Variants in ALCAM observed in about 807,000 individuals in gnomAD.
ALCAM encodes the protein activated leukocyte cell adhesion molecule, also known as CD166 antigen.
ALCAM carries 30 observed loss-of-function variants against 70.9 expected under a neutral mutation model. That is an observed-to-expected ratio of 0.42 (90% CI 0.32 to 0.57). ALCAM has a LOEUF of 0.57. Ranked by LOEUF, ALCAM falls within the 20% of genes least tolerant of loss-of-function variation. The pLI, the probability that ALCAM is intolerant of heterozygous loss-of-function variation, is 0.11. For missense variants in ALCAM, 591 were observed against 695.1 expected (o/e 0.85, Z 1.68); for synonymous variants, 249 against 242.5 (o/e 1.03, Z -0.25).
intron 1 of ALCAM, among the ~76,000 whole-genome samples, chr3:105,410,856 G>C (rs1406495150): frequency 2.6e-5 from 4 of 151,946 alleles, no homozygotes; most frequent in African/African-American, 9.7e-5. Context: ...AAATTGTTAT[G>C]AAATGATAAT....
At chr3:105,525,276 CA>C in intron 3 of ALCAM, 1 of 983,644 alleles carries the variant, frequency 1.0e-6, no homozygotes, top group Non-Finnish European at 1.2e-6. Flanking sequence ...GTCACTATGA[CA>C]AAATTACTTT....
intron 11 of ALCAM, among the ~76,000 whole-genome samples, chr3:105,548,460 T>C (rs1940308302): frequency 1.3e-5 from 2 of 151,560 alleles, no homozygotes; most frequent in East Asian, 3.9e-4. Flanking sequence ...AGAAGACATA[T>C]ATAAAGCAAA....
chr3:105,560,621 C>G (rs1576242324), intron 14 of ALCAM, among the ~76,000 whole-genome samples: 2 of 152,136 alleles, frequency 1.3e-5, no homozygotes, highest in South Asian at 4.1e-4. Context: ...CCCAAAATGG[C>G]AAAGGTATTT....
At chr3:105,495,656 A>G (rs556684605) in intron 1 of ALCAM, among the ~76,000 whole-genome samples, 1 of 152,346 alleles carries the variant, frequency 6.6e-6, no homozygotes, top group East Asian at 1.9e-4. Flanking sequence ...CGGTGGAATA[A>G]TACATTTTAC....
At chr3:105,404,107 T>C (rs940895438) in intron 1 of ALCAM, among the ~76,000 whole-genome samples, 1 of 151,886 alleles carries the variant, frequency 6.6e-6, no homozygotes, top group African/African-American at 2.4e-5. Context: ...CATCCAAACC[T>C]AAGAATAATT....
At chr3:105,557,816 A>G (rs1391656973) in intron 14 of ALCAM, among the ~76,000 whole-genome samples, 5 of 152,062 alleles carry the variant, frequency 3.3e-5, no homozygotes, top group Non-Finnish European at 7.4e-5. Context: ...CGCATTCCCT[A>G]TTTCTTTGTA....
chr3:105,454,013 A>G (rs752765947), intron 1 of ALCAM, among the ~76,000 whole-genome samples: 4 of 152,196 alleles, frequency 2.6e-5, no homozygotes, highest in Non-Finnish European at 5.9e-5. Flanking sequence ...TTGTGTTCAA[A>G]TCATCCTATG....
chr3:105,425,419 A>G (rs1936765060), intron 1 of ALCAM, among the ~76,000 whole-genome samples: 1 of 151,748 alleles, frequency 6.6e-6, no homozygotes, highest in Non-Finnish European at 1.5e-5. Context: ...TGCATTGGGC[A>G]TTGGAGATGT....
chr3:105,400,573 A>G (rs1001714585), intron 1 of ALCAM, among the ~76,000 whole-genome samples: 1 of 152,222 alleles, frequency 6.6e-6, no homozygotes, highest in Non-Finnish European at 1.5e-5. Context: ...AAGAATTTTT[A>G]ACATTTTTTA....
chr3:105,450,689 G>A (rs950795316), intron 1 of ALCAM, among the ~76,000 whole-genome samples: 7 of 152,102 alleles, frequency 4.6e-5, no homozygotes, highest in Non-Finnish European at 7.4e-5. Flanking sequence ...CAGAATAGAT[G>A]GAGTGTGCAA....
intron 14 of ALCAM, among the ~76,000 whole-genome samples, chr3:105,569,970 G>A (rs1319927837): frequency 6.6e-6 from 1 of 152,112 alleles, no homozygotes; most frequent in Non-Finnish European, 1.5e-5. Context: ...AAATTGCAGT[G>A]GGGCTCCAAC....
intron 1 of ALCAM, among the ~76,000 whole-genome samples, chr3:105,386,276 A>G (rs1432792668): frequency 6.6e-6 from 1 of 151,660 alleles, no homozygotes; most frequent in Non-Finnish European, 1.5e-5. Flanking sequence ...ACAGAAGTGA[A>G]TCAGTAAAAT....
At chr3:105,530,791 T>C (rs1443987041) in intron 3 of ALCAM, among the ~76,000 whole-genome samples, 1 of 152,062 alleles carries the variant, frequency 6.6e-6, no homozygotes, top group African/African-American at 2.4e-5. Flanking sequence ...ACTCTAGATA[T>C]TAACCTAAAG....
intron 1 of ALCAM, among the ~76,000 whole-genome samples, chr3:105,441,270 A>G (rs990835068): frequency 6.6e-6 from 1 of 150,972 alleles, no homozygotes; most frequent in Non-Finnish European, 1.5e-5. Flanking sequence ...TCAGTTTTTC[A>G]TGTTTGCACA....
intron 1 of ALCAM, among the ~76,000 whole-genome samples, chr3:105,490,906 C>G (rs1938565480): frequency 6.6e-6 from 1 of 152,200 alleles, no homozygotes; most frequent in Non-Finnish European, 1.5e-5. Flanking sequence ...TGGTGGCCCT[C>G]TTCTCACAGT....
chr3:105,450,143 C>G (rs557334422), intron 1 of ALCAM, among the ~76,000 whole-genome samples: 1 of 152,282 alleles, frequency 6.6e-6, no homozygotes, highest in Non-Finnish European at 1.5e-5. Context: ...TTTGAAGGTG[C>G]TATGTACATA....
At chr3:105,538,155 G>A (rs928067557) in intron 6 of ALCAM, among the ~76,000 whole-genome samples, 1 of 152,096 alleles carries the variant, frequency 6.6e-6, no homozygotes, top group African/African-American at 2.4e-5. Flanking sequence ...AGGATCAAAA[G>A]GAAGGAGACT....
intron 1 of ALCAM, among the ~76,000 whole-genome samples, chr3:105,495,637 T>C (rs1037740016): frequency 4.6e-5 from 7 of 152,206 alleles, no homozygotes; most frequent in African/African-American, 1.7e-4. Context: ...ACTTAAAGTA[T>C]GCAAAGCACG....
chr3:105,509,573 G>T (rs1361169888), intron 1 of ALCAM, among the ~76,000 whole-genome samples: 1 of 151,770 alleles, frequency 6.6e-6, no homozygotes, highest in African/African-American at 2.4e-5. Context: ...TGTGGGTTTT[G>T]TTTTGTTTAC....
Sources: allele counts gnomAD v4.1 joint callset (sites outside exome capture counted in the v4.1 genomes callset), GRCh38; gene constraint gnomAD v4.1.1; transcripts MANE v1.5; gene names NCBI Gene and HGNC (gene_info 2026-07-23, HGNC 2026-07-21).